NKAIN2: variants seen among roughly 807,000 people sequenced by gnomAD.
The protein encoded by NKAIN2 is sodium/potassium transporting ATPase interacting 2, also known as sodium/potassium-transporting ATPase subunit beta-1-interacting protein 2.
Under a neutral mutation model 32.6 loss-of-function variants are expected in NKAIN2, and 14 were observed. The ratio of observed to expected loss-of-function variants is 0.43; its 90% CI spans 0.28 to 0.67. The LOEUF is 0.67. Among genes scored for constraint, NKAIN2 ranks in the 30% least tolerant of loss-of-function variants. NKAIN2 has a pLI of 0.17. For missense variants in NKAIN2, 198 were observed against 258.3 expected (o/e 0.77, Z 1.60); for synonymous variants, 80 against 87.2 (o/e 0.92, Z 0.46).
chr6:124,310,406 A>G (rs926741472), intron 2 of NKAIN2, among the ~76,000 whole-genome samples: 2 of 152,182 alleles, frequency 1.3e-5, no homozygotes, highest in Non-Finnish European at 2.9e-5. Flanking sequence ...TTCTGAAATC[A>G]TAGTTAGAAA....
chr6:123,866,722 G>A (rs1772536749), intron 1 of NKAIN2, among the ~76,000 whole-genome samples: 1 of 152,100 alleles, frequency 6.6e-6, no homozygotes, highest in Non-Finnish European at 1.5e-5. Flanking sequence ...GAGCCACCGC[G>A]CCCGGCCCAC....
intron 3 of NKAIN2, among the ~76,000 whole-genome samples, chr6:124,651,803 C>T (rs1014050678): frequency 2.6e-5 from 4 of 152,150 alleles, no homozygotes; most frequent in Non-Finnish European, 5.9e-5. Flanking sequence ...TCTCAAAGAT[C>T]ACAGAAATGC....
chr6:124,045,017 G>A (rs1412364306), intron 1 of NKAIN2, among the ~76,000 whole-genome samples: 1 of 151,916 alleles, frequency 6.6e-6, no homozygotes, highest in Non-Finnish European at 1.5e-5. Flanking sequence ...TAGAAGCTTT[G>A]CCTTTGTGCT....
intron 4 of NKAIN2, among the ~76,000 whole-genome samples, chr6:124,764,950 C>T (rs919458392): frequency 1.4e-4 from 21 of 152,084 alleles, no homozygotes; most frequent in African/African-American, 4.8e-4. Flanking sequence ...CAAAAGGATG[C>T]CTAAATGCTT....
At chr6:124,304,106 G>A (rs1436478930) in intron 2 of NKAIN2, among the ~76,000 whole-genome samples, 1 of 152,108 alleles carries the variant, frequency 6.6e-6, no homozygotes, top group South Asian at 2.1e-4. Context: ...GGAATGTATA[G>A]GAATCTGGAA....
intron 1 of NKAIN2, among the ~76,000 whole-genome samples, chr6:124,034,571 C>T (rs1781531939): frequency 6.6e-6 from 1 of 152,054 alleles, no homozygotes; most frequent in Admixed American, 6.6e-5. Context: ...AATAGCCCTG[C>T]AATACACTCA....
intron 1 of NKAIN2, among the ~76,000 whole-genome samples, chr6:124,166,483 T>C (rs1209313672): frequency 6.6e-6 from 1 of 150,562 alleles, no homozygotes; most frequent in African/African-American, 2.4e-5. Flanking sequence ...TTCACTCTGA[T>C]GGTAGTTTCT....
intron 1 of NKAIN2, among the ~76,000 whole-genome samples, chr6:124,253,230 C>T (rs1450726253): frequency 1.3e-5 from 2 of 152,098 alleles, no homozygotes; most frequent in African/African-American, 4.8e-5. Flanking sequence ...AATTGTATTT[C>T]TAGTTATTGA....
At chr6:124,145,030 T>G (rs943217620) in intron 1 of NKAIN2, among the ~76,000 whole-genome samples, 6 of 152,160 alleles carry the variant, frequency 3.9e-5, no homozygotes, top group African/African-American at 1.4e-4. Flanking sequence ...GAAAAGATGT[T>G]TAACATCATT....
At chr6:124,115,834 G>A (rs1582673147) in intron 1 of NKAIN2, among the ~76,000 whole-genome samples, 1 of 151,886 alleles carries the variant, frequency 6.6e-6, no homozygotes, top group African/African-American at 2.4e-5. Context: ...TGTGAAAAAA[G>A]GGTTTTGGTA....
chr6:124,013,618 T>C (rs1780436150), intron 1 of NKAIN2, among the ~76,000 whole-genome samples: 1 of 152,206 alleles, frequency 6.6e-6, no homozygotes, highest in Non-Finnish European at 1.5e-5. Context: ...CCGCAAAAGA[T>C]GTCTACGACC....
At chr6:124,775,577 A>C (rs981778445) in intron 4 of NKAIN2, among the ~76,000 whole-genome samples, 6 of 152,202 alleles carry the variant, frequency 3.9e-5, no homozygotes, top group African/African-American at 1.2e-4. Flanking sequence ...TCCTTCAAAA[A>C]CTCTTCAAAT....
At chr6:124,219,185 A>C (rs1168173980) in intron 1 of NKAIN2, among the ~76,000 whole-genome samples, 1 of 152,166 alleles carries the variant, frequency 6.6e-6, no homozygotes, top group Admixed American at 6.5e-5. Context: ...CTTTTCTAGA[A>C]GTCCCTTCCA....
At chr6:123,875,099 G>A (rs1773111293) in intron 1 of NKAIN2, among the ~76,000 whole-genome samples, 1 of 151,836 alleles carries the variant, frequency 6.6e-6, no homozygotes, top group Non-Finnish European at 1.5e-5. Flanking sequence ...TATTTGTCCT[G>A]TTTTTCCATT....
At chr6:124,278,004 A>C (rs572265333) in intron 1 of NKAIN2, among the ~76,000 whole-genome samples, 6,310 of 139,774 alleles carry the variant, frequency 0.045, 449 homozygotes, top group African/African-American at 0.16. Context: ...ACATAAAAAT[A>C]ATATTATAGT....
chr6:123,832,011 T>A (rs528481888), intron 1 of NKAIN2, among the ~76,000 whole-genome samples: 29 of 152,242 alleles, frequency 1.9e-4, no homozygotes, highest in African/African-American at 7.0e-4. Flanking sequence ...TTCATTAGGG[T>A]TCCCTATTGA....
intron 5 of NKAIN2, among the ~76,000 whole-genome samples, chr6:124,799,919 C>T (rs1272855872): frequency 6.6e-6 from 1 of 152,134 alleles, no homozygotes; most frequent in African/African-American, 2.4e-5. Context: ...TCTCTCTCTA[C>T]CTTCTCATGG....
At chr6:124,144,230 G>C (rs1787279023) in intron 1 of NKAIN2, among the ~76,000 whole-genome samples, 1 of 152,160 alleles carries the variant, frequency 6.6e-6, no homozygotes, top group Non-Finnish European at 1.5e-5. Context: ...AATTCCTAAA[G>C]AAGAAGGGAG....
intron 1 of NKAIN2, among the ~76,000 whole-genome samples, chr6:124,237,761 AG>A (rs777783052): frequency 1.3e-5 from 2 of 152,190 alleles, no homozygotes; most frequent in Non-Finnish European, 2.9e-5. Context: ...TGTCCAGTAT[AG>A]CAATATCTTG....
Sources: allele counts gnomAD v4.1 joint callset (sites outside exome capture counted in the v4.1 genomes callset), GRCh38; gene constraint gnomAD v4.1.1; transcripts MANE v1.5; gene names NCBI Gene and HGNC (gene_info 2026-07-23, HGNC 2026-07-21).